PCDHGB1: variants seen among roughly 807,000 people sequenced by gnomAD.
The protein encoded by PCDHGB1 is protocadherin gamma subfamily B, 1.
Under a neutral mutation model 56.6 loss-of-function variants are expected in PCDHGB1, and 34 were observed. That is an observed-to-expected ratio of 0.60 (90% CI 0.46 to 0.80). PCDHGB1 has a LOEUF of 0.80. Among genes scored for constraint, PCDHGB1 ranks in the 30% least tolerant of loss-of-function variants. The probability of loss-of-function intolerance (pLI) is 0.00; values close to 1 mark genes in which losing one functional copy is unlikely to be tolerated. For synonymous variants in PCDHGB1, 561 were observed against 505.9 expected (o/e 1.11, Z -1.46); for missense variants, 1,278 against 1,204.6 (o/e 1.06, Z -0.90).
chr5:141,395,407 G>A (rs1467176036), intron 1 of PCDHGB1: 1 of 826,654 alleles, frequency 1.2e-6, no homozygotes, highest in Non-Finnish European at 1.8e-6. Context: ...ATAGTCATAG[G>A]TTATTGTTTC....
At chr5:141,372,558 G>A in intron 1 of PCDHGB1, 1 of 1,614,002 alleles carries the variant, frequency 6.2e-7, no homozygotes, top group Non-Finnish European at 8.5e-7. Flanking sequence ...CTCCAGACCC[G>A]CCACTGAGGG....
In PCDHGB1 at chr5:141,490,506, C is replaced by T. The variant is rs967095367; in HGVS notation, c.2410-4301C>T. ...GGGAGGCCACATCCCACTATATCAT[C>T]GAGCTGCTGGCCAGCGATGCTGGTT... is the stretch of plus-strand genomic sequence containing the variant. On this transcript the variant is annotated intron_variant, in intron 1 of 3. Transcript: ENST00000523390. This position sits in a 1 kb window ranked among gnomAD's most constrained non-coding sequence, Gnocchi z 5.4. The T allele has an allele frequency of 1.2e-5, 19 of 1,614,116 alleles. No homozygotes were observed. The highest frequency in any genetic ancestry group is 2.2e-5 in the South Asian group (2 of 91,088).
chr5:141,362,373 T>C (rs1281253972), intron 1 of PCDHGB1: 1 of 1,614,038 alleles, frequency 6.2e-7, no homozygotes, highest in East Asian at 2.2e-5. Flanking sequence ...ACAGTGAGGG[T>C]ACATTGCCCT....
At chr5:141,404,703 C>T (rs545479443) in intron 1 of PCDHGB1, 3 of 1,614,124 alleles carry the variant, frequency 1.9e-6, no homozygotes, top group African/African-American at 2.7e-5. Flanking sequence ...TCTGCAGAGC[C>T]TGGCTACCTG....
At chr5:141,460,991 A>G (rs889917939) in intron 1 of PCDHGB1, among the ~76,000 whole-genome samples, 39 of 141,522 alleles carry the variant, frequency 2.8e-4, no homozygotes, top group East Asian at 1.0e-3. Flanking sequence ...GTGTATATAT[A>G]TATATGTGTA....
chr5:141,375,754 C>T, intron 1 of PCDHGB1: 1 of 1,614,244 alleles, frequency 6.2e-7, no homozygotes, highest in Non-Finnish European at 8.5e-7. Flanking sequence ...ACCAGAATGA[C>T]AATGCGCCCG....
rs1173306822 is a variant in PCDHGB1 at position 141,431,115 on chromosome 5, T to C, written c.2410-63692T>C. The C allele has an allele frequency of 9.3e-6, 15 of 1,613,492 alleles. No individual in the cohort carries two copies. The highest frequency in any genetic ancestry group is 1.3e-5 in the Non-Finnish European group (15 of 1,179,878). On this transcript the variant is annotated intron_variant, in intron 1 of 3. Coordinates refer to ENST00000523390, the MANE Select transcript of PCDHGB1 (RefSeq NM_018922.3). The surrounding 1 kb of genome is among the most constrained non-coding windows in gnomAD (Gnocchi z 4.8). The stretch of plus-strand genomic sequence containing the variant: ...GAGGATAAAGTGAAAATATATGGAG[T>C]AGAAGTAGAAGTAAGGGACATTAAC...
intron 1 of PCDHGB1, among the ~76,000 whole-genome samples, chr5:141,397,091 A>G (rs1162135708): frequency 1.3e-5 from 2 of 152,264 alleles, no homozygotes; most frequent in Non-Finnish European, 2.9e-5. Flanking sequence ...CATTTCAGAT[A>G]GGATAATAAT....
At chr5:141,387,768 T>G (rs892776132) in intron 1 of PCDHGB1, 1 of 1,435,344 alleles carries the variant, frequency 7.0e-7, no homozygotes, top group African/African-American at 1.4e-5. Context: ...AGAAGAATTT[T>G]TTCTTGAACT....
chr5:141,441,993 G>T (rs577673608), intron 1 of PCDHGB1: 16 of 251,180 alleles, frequency 6.4e-5, no homozygotes, highest in East Asian at 3.9e-4. Flanking sequence ...CACCGACGAG[G>T]TGCTGACAGC....
At chr5:141,413,316 T>G (rs769316460) in intron 1 of PCDHGB1, 1 of 1,613,976 alleles carries the variant, frequency 6.2e-7, no homozygotes, top group South Asian at 1.1e-5. Context: ...AGAAAGGCTC[T>G]TTCGTGGGCA....
intron 1 of PCDHGB1, among the ~76,000 whole-genome samples, chr5:141,456,876 T>C (rs188356008): frequency 1.5e-3 from 222 of 152,196 alleles, no homozygotes; most frequent in African/African-American, 5.2e-3. Flanking sequence ...GGCAGGAGAA[T>C]CGCTTGAACC....
chr5:141,473,263 T>C (rs2099318134), intron 1 of PCDHGB1, among the ~76,000 whole-genome samples: 1 of 152,210 alleles, frequency 6.6e-6, no homozygotes, highest in African/African-American at 2.4e-5. Context: ...GTCCTTAGTG[T>C]ATGCTATGAT....
Position 141,376,812 on chromosome 5 carries a change from T to G in PCDHGB1, c.2409+24143T>G, listed in dbSNP as rs62378423. ...CGCCATTCTCCTGCCTCAGCCTCCC[T>G]AGTAGCTGGGACTACAGGCGCCCGC... On this transcript the variant is annotated intron_variant, in intron 1 of 3. Coordinates refer to ENST00000523390, the MANE Select transcript of PCDHGB1 (RefSeq NM_018922.3). 3.9e-4 allele frequency: 120 copies of G among 303,828 alleles called. 2 individuals carry two copies. In the South Asian group the frequency reaches 4.4e-3, roughly 11 times the overall value. The allele number at this position is 303,828 out of a possible 1,614,324, so 18.8% of individuals were successfully genotyped here.
In PCDHGB1 at chr5:141,352,159, G is replaced by C; in HGVS notation, c.1899G>C (p.Ala633=). The change falls in exon 1 of 4, where the codon GCG becomes GCC. Residue 633 remains alanine (A), a synonymous_variant. Transcript: ENST00000523390. The part of the protein sequence containing the change: ...RTARALGDRD[A]ARQRLLVAVR... ...CGCGTGCCTTGGGCGACAGGGACGC[G>C]GCCCGCCAGCGCCTGCTGGTCGCTG... The C allele has an allele frequency of 1.2e-6, 2 of 1,613,054 alleles. No individual in the cohort carries two copies. Among genetic ancestry groups the C allele is most frequent in the Non-Finnish European group, 1.7e-6 (2 of 1,179,606 alleles).
rs531285035 is a variant in PCDHGB1, at chr5:141,493,409, C to T, written c.2410-1398C>T. Among the ~76,000 whole-genome samples, 4 of 152,286 alleles carry T rather than the reference C, an allele frequency of 2.6e-5. No homozygotes were observed. The East Asian group carries it at 7.7e-4, about 29-fold the overall frequency. On this transcript the variant is annotated intron_variant, in intron 1 of 3. Coordinates refer to ENST00000523390, the MANE Select transcript of PCDHGB1 (RefSeq NM_018922.3). The surrounding 1 kb of genome is among the most constrained non-coding windows in gnomAD (Gnocchi z 4.3). Reference sequence around the variant, plus strand: ...GGACAGGAGAGGGGAGTTGCCTCTGCTGGGATTTTGCTTCTGCTGGGATGG... The same window carrying T: ...GGACAGGAGAGGGGAGTTGCCTCTGTTGGGATTTTGCTTCTGCTGGGATGG...
At chr5:141,457,330 A>G (rs2098916985) in intron 1 of PCDHGB1, among the ~76,000 whole-genome samples, 1 of 152,174 alleles carries the variant, frequency 6.6e-6, no homozygotes, top group Non-Finnish European at 1.5e-5. Flanking sequence ...GGTTACAGGT[A>G]CCTTACTTAC....
At chr5:141,382,317 GTAAA>G (rs1482634443) in intron 1 of PCDHGB1, among the ~76,000 whole-genome samples, 1 of 152,160 alleles carries the variant, frequency 6.6e-6, no homozygotes, top group Non-Finnish European at 1.5e-5. Flanking sequence ...ATACACTGAT[GTAAA>G]TATTTTCTAA....
At chr5:141,419,781 G>C (rs1331740421) in intron 1 of PCDHGB1, 1 of 1,614,032 alleles carries the variant, frequency 6.2e-7, no homozygotes. Context: ...GTCCGCCAGC[G>C]CCTGCTAGTC....
Sources: gnomAD v4.1 joint callset for allele counts (sites outside exome capture counted in the v4.1 genomes callset) on GRCh38, gnomAD v4.1.1 for gene constraint, Gnocchi (gnomAD v3.1) non-coding constraint, MANE v1.5 for transcripts, NCBI Gene and HGNC (gene_info 2026-07-23, HGNC 2026-07-21) for gene names.